The following GRID1 variants were observed in gnomAD, a reference collection of about 807,000 sequenced individuals.
The protein encoded by GRID1 is glutamate receptor ionotropic, delta-1.
Under a neutral mutation model 98.0 loss-of-function variants are expected in GRID1, and 28 were observed. That is an observed-to-expected ratio of 0.29 (90% CI 0.21 to 0.39). The LOEUF is 0.39. Ranked by LOEUF, GRID1 falls within the 10% of genes least tolerant of loss-of-function variation. The pLI is 1.00. For synonymous variants in GRID1, 553 were observed against 538.5 expected, an observed-to-expected ratio of 1.03 and a Z score of -0.37; for missense variants, 1,111 against 1,340.5, an observed-to-expected ratio of 0.83 and a Z score of 2.67.
intron 3 of GRID1, among the ~76,000 whole-genome samples, chr10:86,198,982 A>C (rs1845912384): frequency 6.6e-6 from 1 of 152,194 alleles, no homozygotes; most frequent in Non-Finnish European, 1.5e-5. Context: ...AGCTCAGAGA[A>C]GTCACCTTGC....
chr10:85,747,536 C>T (rs1425158357), intron 8 of GRID1, among the ~76,000 whole-genome samples: 3 of 152,182 alleles, frequency 2.0e-5, no homozygotes, highest in Admixed American at 6.5e-5. Flanking sequence ...CCTCCTGCCC[C>T]TTCCTCTTAG....
At chr10:85,964,048 C>A (rs531572873) in intron 4 of GRID1, among the ~76,000 whole-genome samples, 1 of 151,976 alleles carries the variant, frequency 6.6e-6, no homozygotes, top group African/African-American at 2.4e-5. Context: ...GCTACTAAGA[C>A]AATAAAATAC....
At chr10:86,240,634 A>G (rs1457889062) in intron 2 of GRID1, among the ~76,000 whole-genome samples, 1 of 152,180 alleles carries the variant, frequency 6.6e-6, no homozygotes, top group Non-Finnish European at 1.5e-5. Flanking sequence ...CTTGAAAAGC[A>G]GATTTTAGCT....
At chr10:86,218,194 G>A (rs1846203626) in intron 2 of GRID1, among the ~76,000 whole-genome samples, 1 of 152,028 alleles carries the variant, frequency 6.6e-6, no homozygotes, top group East Asian at 1.9e-4. Context: ...GTGAGTTCAT[G>A]CACGCACCAG....
At chr10:86,277,922 C>G (rs1847297256) in intron 2 of GRID1, among the ~76,000 whole-genome samples, 1 of 151,818 alleles carries the variant, frequency 6.6e-6, no homozygotes, top group African/African-American at 2.4e-5. Context: ...TAAGTATATT[C>G]TTATCAATAA....
chr10:86,230,424 G>A (rs903776008), intron 2 of GRID1, among the ~76,000 whole-genome samples: 11 of 152,202 alleles, frequency 7.2e-5, no homozygotes, highest in Admixed American at 7.2e-4. Flanking sequence ...GGAGCTGGAA[G>A]TCTCACCCCT....
intron 8 of GRID1, among the ~76,000 whole-genome samples, chr10:85,840,150 T>A (rs982620313): frequency 1.3e-5 from 2 of 152,058 alleles, no homozygotes; most frequent in African/African-American, 4.8e-5. Context: ...CCAGAGAGAT[T>A]CACAGCTGAA....
chr10:86,067,029 G>T (rs190180697), intron 4 of GRID1, among the ~76,000 whole-genome samples: 295 of 152,294 alleles, frequency 1.9e-3, no homozygotes, highest in Non-Finnish European at 2.9e-3. Context: ...ATAGCGCATA[G>T]AGCTGATGGA....
intron 12 of GRID1, among the ~76,000 whole-genome samples, chr10:85,715,849 T>C (rs1049693800): frequency 3.3e-5 from 5 of 152,186 alleles, no homozygotes. Flanking sequence ...GAGATATTTG[T>C]CTGCACTACC....
intron 12 of GRID1, among the ~76,000 whole-genome samples, chr10:85,653,764 G>T (rs1840859978): frequency 6.6e-6 from 1 of 152,126 alleles, no homozygotes; most frequent in Admixed American, 6.5e-5. Flanking sequence ...AAGAAGAGAG[G>T]CTTTAGCTGG....
intron 2 of GRID1, among the ~76,000 whole-genome samples, chr10:86,337,098 G>A (rs1167852475): frequency 2.0e-5 from 3 of 151,772 alleles, no homozygotes; most frequent in Non-Finnish European, 2.9e-5. Context: ...TGATCCGCCC[G>A]TCTCGGCCTC....
At chr10:85,668,503 C>T (rs754656807) in intron 12 of GRID1, among the ~76,000 whole-genome samples, 38 of 152,252 alleles carry the variant, frequency 2.5e-4, no homozygotes, top group South Asian at 6.2e-4. Context: ...GTTCTTTAGA[C>T]GCTACTGTTT....
chr10:85,892,332 G>GA (rs1841214581), intron 5 of GRID1, among the ~76,000 whole-genome samples: 1 of 151,406 alleles, frequency 6.6e-6, no homozygotes, highest in South Asian at 2.1e-4. Context: ...AGGGGATACA[G>GA]AAAAAAGTAC....
intron 5 of GRID1, among the ~76,000 whole-genome samples, chr10:85,874,484 T>C (rs149798155): frequency 6.6e-6 from 1 of 152,224 alleles, no homozygotes; most frequent in Admixed American, 6.5e-5. Context: ...TTTATACACT[T>C]ATGAATCATT....
intron 5 of GRID1, among the ~76,000 whole-genome samples, chr10:85,879,791 T>C (rs1416606099): frequency 1.3e-5 from 2 of 151,728 alleles, no homozygotes; most frequent in South Asian, 2.1e-4. Context: ...CTGAAGGAAA[T>C]AGAGACACAA....
intron 8 of GRID1, among the ~76,000 whole-genome samples, chr10:85,731,160 T>A (rs1177967821): frequency 2.0e-5 from 3 of 152,056 alleles, no homozygotes; most frequent in African/African-American, 7.2e-5. Context: ...AACTCTGAGA[T>A]GTAAAACCAT....
At chr10:85,744,219 C>A (rs1003356522) in intron 8 of GRID1, among the ~76,000 whole-genome samples, 8 of 152,136 alleles carry the variant, frequency 5.3e-5, no homozygotes, top group Non-Finnish European at 5.9e-5. Flanking sequence ...AGATGTACCT[C>A]ACAGACCTTC....
At chr10:85,607,316 A>T (rs1286120433) in intron 15 of GRID1, 1 of 152,224 alleles carries the variant, frequency 6.6e-6, no homozygotes, top group Non-Finnish European at 1.5e-5. Flanking sequence ...TTGGGCAGGA[A>T]CAAAAATGGG....
intron 3 of GRID1, among the ~76,000 whole-genome samples, chr10:86,181,806 G>A (rs563767630): frequency 6.6e-6 from 1 of 152,224 alleles, no homozygotes; most frequent in Admixed American, 6.5e-5. Context: ...TTACTCAGTG[G>A]TACTTATCTT....
Sources: gnomAD v4.1 joint callset for allele counts (sites outside exome capture counted in the v4.1 genomes callset) on GRCh38, gnomAD v4.1.1 for gene constraint, MANE v1.5 for transcripts, NCBI Gene and HGNC (gene_info 2026-07-23, HGNC 2026-07-21) for gene names.